The following GNA13 variants were observed in gnomAD, a reference collection of about 807,000 sequenced individuals.
The protein encoded by GNA13 is guanine nucleotide-binding protein subunit alpha-13.
Under a neutral mutation model 33.5 loss-of-function variants are expected in GNA13, and 4 were observed. The ratio of observed to expected loss-of-function variants is 0.12; its 90% CI spans 0.06 to 0.27. The LOEUF is 0.27. GNA13 is among the 10% of genes least tolerant of loss of function. GNA13 has a pLI of 1.00. For missense variants in GNA13, 319 were observed against 487.2 expected (o/e 0.65, Z 3.25); for synonymous variants, 176 against 183.8 (o/e 0.96, Z 0.34).
chr17:65,028,407 CA>C (rs1184832409), intron 2 of GNA13, among the ~76,000 whole-genome samples: 2,722 of 54,118 alleles, frequency 0.05, 58 homozygotes, highest in African/African-American at 0.15. Flanking sequence ...AGGCTGTCTC[CA>C]AAAAAAAAAA....
rs1236320064 is a variant in GNA13 at position 65,010,772 on chromosome 17, G to A, written c.*3485C>T. On this transcript the variant is annotated 3_prime_UTR_variant, in exon 4 of 4. Transcript: ENST00000439174. ...ACAAATGTTTGGGCTTTACAGGCAT[G>A]ATTTCACGGATTCAAACAAGAAATT... 1 of 211,268 alleles carries A rather than the reference G, an allele frequency of 4.7e-6. No homozygotes were observed. The highest frequency in any genetic ancestry group is 9.6e-6 in the Non-Finnish European group (1 of 104,056). 13.1% of individuals were successfully genotyped at this position (211,268 alleles called of 1,614,324 possible).
Position 65,056,332 on chromosome 17 carries a change from T to C in GNA13, c.262A>G (p.Ile88Val), listed in dbSNP as rs1463556900. The C allele has an allele frequency of 1.9e-6, 3 of 1,589,028 alleles. No individual in the cohort carries two copies. The highest frequency in any genetic ancestry group is 1.1e-5 in the South Asian group (1 of 90,844). The change falls in exon 1 of 4, where the codon ATC (isoleucine) becomes GTC (valine). Residue 88 changes from isoleucine to valine, a missense_variant. Coordinates refer to ENST00000439174, the MANE Select transcript of GNA13 (RefSeq NM_006572.6). ...QRAREEFRPT[I>V]YSNVIKGMRV... The stretch of plus-strand genomic sequence containing the variant: ...GCACCTTTGATCACGTTGCTGTAGA[T>C]GGTGGGGCGGAACTCCTCGCGCGCG...
At chr17:65,017,413 A>G (rs1432953292) in intron 3 of GNA13, among the ~76,000 whole-genome samples, 1 of 152,194 alleles carries the variant, frequency 6.6e-6, no homozygotes, top group African/African-American at 2.4e-5. Flanking sequence ...GAAGAAGAAG[A>G]AACCTGCCTT....
intron 2 of GNA13, among the ~76,000 whole-genome samples, chr17:65,027,892 G>A (rs7211458): frequency 0.027 from 4,090 of 152,090 alleles, 171 homozygotes; most frequent in African/African-American, 0.091. Context: ...ATTACTTGAG[G>A]CCAGGAGTTT....
intron 2 of GNA13, among the ~76,000 whole-genome samples, chr17:65,031,921 A>AGAGAGTGTGTGT (rs770161529): frequency 3.6e-4 from 33 of 91,688 alleles, no homozygotes; most frequent in South Asian, 3.2e-4. Context: ...AGAGAGAGAG[A>AGAGAGTGTGTGT]GTGTGTGTGT....
chr17:65,014,173 T>C lies in GNA13; in HGVS notation c.*84A>G, dbSNP rs1906284099. The C allele has an allele frequency of 5.3e-6, 4 of 758,380 alleles. No homozygotes were observed. The highest frequency in any genetic ancestry group is 3.5e-5 in the African/African-American group (2 of 57,288). 47.0% of individuals were successfully genotyped at this position (758,380 alleles called of 1,614,324 possible). A position where few individuals can be genotyped will look rare whatever the true frequency, so the allele number is the denominator to read the frequency against. The stretch of plus-strand genomic sequence containing the variant: ...AGAATTAAGATTGTTCTAATTCTGG[T>C]TGTAAACTGCTATTTTAAAAAACAA... On this transcript the variant is annotated 3_prime_UTR_variant, in exon 4 of 4. Coordinates refer to ENST00000439174, the MANE Select transcript of GNA13 (RefSeq NM_006572.6). This position sits in a 1 kb window ranked among gnomAD's most constrained non-coding sequence, Gnocchi z 5.3.
chr17:65,055,185 A>C (rs752802151), intron 1 of GNA13, among the ~76,000 whole-genome samples: 2 of 152,200 alleles, frequency 1.3e-5, no homozygotes, highest in Non-Finnish European at 2.9e-5. Context: ...AATAAAATCC[A>C]GATGCACCTG....
intron 2 of GNA13, among the ~76,000 whole-genome samples, chr17:65,028,424 A>AT (rs1207505909): frequency 6.6e-6 from 1 of 151,954 alleles, no homozygotes; most frequent in Middle Eastern, 3.4e-3. Flanking sequence ...AAAAAAAAAA[A>AT]AAATACCACC....
At position 65,009,551 on chromosome 17, in the gene GNA13, G is replaced by T. The variant is rs1906102314; in HGVS notation, c.*4706C>A. On this transcript the variant is annotated 3_prime_UTR_variant, in exon 4 of 4. Coordinates refer to ENST00000439174, the MANE Select transcript of GNA13 (RefSeq NM_006572.6). ...CTTAGTTCCTGGAAAGTTATAAAAA[G>T]ATATATGTAAAAAAAAAATCCTAAG... Among the ~76,000 whole-genome samples, 1 of 151,830 alleles carries T rather than the reference G, an allele frequency of 6.6e-6. No individual in the cohort carries two copies. Among genetic ancestry groups the T allele is most frequent in the South Asian group, 2.1e-4 (1 of 4,820 alleles).
At chr17:65,049,681 AG>A in intron 2 of GNA13, among the ~76,000 whole-genome samples, 1 of 152,180 alleles carries the variant, frequency 6.6e-6, no homozygotes, top group African/African-American at 2.4e-5. Context: ...ACAGCCCCTA[AG>A]GCACTGTTCC....
chr17:65,009,703 T>A lies in GNA13; in HGVS notation c.*4554A>T, dbSNP rs1051088251. ...ATGAGCTCTCACCAGAGTAGAGTAG[T>A]TTAGAAAAGCCATTTCAAACGTTTT... On this transcript the variant is annotated 3_prime_UTR_variant, in exon 4 of 4. Coordinates refer to ENST00000439174, the MANE Select transcript of GNA13 (RefSeq NM_006572.6). Among the ~76,000 whole-genome samples the A allele has an allele frequency of 4.1e-4, 62 of 152,186 alleles. 4 individuals are homozygous for A. The highest frequency in any genetic ancestry group is 4.4e-5 in the Non-Finnish European group (3 of 68,036).
At chr17:65,056,249 G>GCCCCCCCCCCCCCCC in intron 1 of GNA13, 62 bp downstream of exon 1, 3 of 774,832 alleles carry the variant, frequency 3.9e-6, no homozygotes, top group Non-Finnish European at 3.9e-6. Flanking sequence ...GCCCCGCCCC[G>GCCCCCCCCCCCCCCC]CACCCGCCGC....
rs547144235 is a variant in GNA13 at position 65,009,769 on chromosome 17, T to C, written c.*4488A>G. On this transcript the variant is annotated 3_prime_UTR_variant, in exon 4 of 4. Coordinates refer to ENST00000439174, the MANE Select transcript of GNA13 (RefSeq NM_006572.6). ...AGTAAGAGGTAAAAGGTAAATGGCATAGTTTGTTGCACTGTTGCTTATACT... is the reference window on the plus strand; with the variant it reads ...AGTAAGAGGTAAAAGGTAAATGGCACAGTTTGTTGCACTGTTGCTTATACT... 1.9e-3 allele frequency among the ~76,000 whole-genome samples: 282 copies of C among 152,368 alleles called. 3 individuals are homozygous for C. The highest frequency in any genetic ancestry group is 6.4e-3 in the African/African-American group (268 of 41,588).
At chr17:65,018,092 T>TTAAAAAA (rs1906437129) in intron 3 of GNA13, among the ~76,000 whole-genome samples, 161 bp downstream of exon 3, 1 of 21,474 alleles carries the variant, frequency 4.7e-5, no homozygotes, top group African/African-American at 1.4e-4. Flanking sequence ...ACGCCACCAC[T>TTAAAAAA]AAAAAAAAAA....
intron 2 of GNA13, among the ~76,000 whole-genome samples, chr17:65,041,582 A>T (rs1435018401): frequency 6.6e-6 from 1 of 152,208 alleles, no homozygotes; most frequent in Non-Finnish European, 1.5e-5. Flanking sequence ...TCTTTAACTA[A>T]GTACTCTCAA....
chr17:65,056,629 C>A lies in GNA13; in HGVS notation c.-36G>T, dbSNP rs780445432. The A allele has an allele frequency of 3.8e-6, 6 of 1,579,514 alleles. No homozygotes were observed. In the African/African-American group the frequency reaches 6.7e-5, roughly 18 times the overall value. On this transcript the variant is annotated 5_prime_UTR_variant, in exon 1 of 4. Transcript: ENST00000439174. The stretch of plus-strand genomic sequence containing the variant: ...CCGCCGCCGCCTCGGCGGGCCCCTC[C>A]GGCTCCCTCCACCTCCTCCTCCGGC...
At chr17:65,034,888 C>T (rs1478770490) in intron 2 of GNA13, among the ~76,000 whole-genome samples, 1 of 151,052 alleles carries the variant, frequency 6.6e-6, no homozygotes, top group Non-Finnish European at 1.5e-5. Flanking sequence ...CTGGTTCAAG[C>T]GATTCTCCTG....
In GNA13 at chr17:65,014,905, T is replaced by A; in HGVS notation, c.562-76A>T. 1.3e-6 allele frequency: 1 copy of A among 771,846 alleles called. No homozygotes were observed. Among genetic ancestry groups the A allele is most frequent in the Non-Finnish European group, 2.2e-6 (1 of 463,900 alleles). 47.8% of individuals were successfully genotyped at this position (771,846 alleles called of 1,614,324 possible). A position where few individuals can be genotyped will look rare whatever the true frequency, so the allele number is the denominator to read the frequency against. On this transcript the variant is annotated intron_variant, in intron 3 of 3. Transcript: ENST00000439174. The surrounding 1 kb of genome is among the most constrained non-coding windows in gnomAD (Gnocchi z 5.3). ...ATTTTTAATGGACTACTAACTGGAC[T>A]AGTGAATAGATATGCAAACAAAATG...
intron 2 of GNA13, among the ~76,000 whole-genome samples, chr17:65,044,288 A>G (rs114634382): frequency 3.9e-5 from 6 of 152,204 alleles, no homozygotes; most frequent in African/African-American, 1.2e-4. Flanking sequence ...TTCTTGATTC[A>G]TATCAGCTCA....
Sources: gnomAD v4.1 joint callset for allele counts (sites outside exome capture counted in the v4.1 genomes callset) on GRCh38, gnomAD v4.1.1 for gene constraint, Gnocchi (gnomAD v3.1) non-coding constraint, MANE v1.5 for transcripts, NCBI Gene and HGNC (gene_info 2026-07-23, HGNC 2026-07-21) for gene names.